The following CENPE variants were observed in gnomAD, a reference collection of about 807,000 sequenced individuals.
The protein encoded by CENPE is centromere-associated protein E.
CENPE carries 145 observed loss-of-function variants against 336.1 expected under a neutral mutation model. The observed-to-expected ratio is 0.43, with a 90% CI of 0.38 to 0.50. The LOEUF (loss-of-function observed/expected upper bound fraction) is 0.50. Ranked by LOEUF, CENPE falls within the 20% of genes least tolerant of loss-of-function variation. The pLI, the probability that CENPE is intolerant of heterozygous loss-of-function variation, is 0.00. For missense variants in CENPE, 2,719 were observed against 3,023.3 expected (o/e 0.90, Z 2.36); for synonymous variants, 1,013 against 984.8 (o/e 1.03, Z -0.54).
At chr4:103,196,683 A>C (rs541263759) in intron 2 of CENPE, 76 bp downstream of exon 2, 1 of 716,746 alleles carries the variant, frequency 1.4e-6, no homozygotes, top group African/African-American at 1.8e-5. Context: ...GACAAATCTA[A>C]TATTATTGAT....
intron 40 of CENPE, among the ~76,000 whole-genome samples, chr4:103,134,193 C>T (rs990038472): frequency 6.6e-6 from 1 of 152,180 alleles, no homozygotes. Flanking sequence ...CCTTTCTCTA[C>T]AAGTCCTCCT....
chr4:103,125,083 C>T (rs974727296), intron 42 of CENPE, among the ~76,000 whole-genome samples: 12 of 152,090 alleles, frequency 7.9e-5, no homozygotes, highest in African/African-American at 2.9e-4. Flanking sequence ...TTTGTTTTTT[C>T]TTGAAATAGC....
intron 25 of CENPE, among the ~76,000 whole-genome samples, chr4:103,152,014 T>A (rs1753608354): frequency 6.6e-6 from 1 of 152,174 alleles, no homozygotes. Flanking sequence ...AGTGAACTTC[T>A]CCAAATATTT....
At chr4:103,162,668 GC>G (rs1347029469) in intron 18 of CENPE, among the ~76,000 whole-genome samples, 2 of 151,506 alleles carry the variant, frequency 1.3e-5, no homozygotes, top group African/African-American at 4.9e-5. Flanking sequence ...AACCTCCCAG[GC>G]TCAAGCAATC....
chr4:103,136,065 C>CA, intron 40 of CENPE, 76 bp downstream of exon 40: 1 of 1,200,698 alleles, frequency 8.3e-7, no homozygotes, highest in Non-Finnish European at 1.2e-6. Context: ...AATATGCCGG[C>CA]ACCTGAAGCA....
In CENPE at chr4:103,180,412, C is replaced by A. The variant is rs1756230406; in HGVS notation, c.1141G>T (p.Glu381Ter). 6.2e-7 allele frequency: 1 copy of A among 1,612,878 alleles called. No individual in the cohort carries two copies. Among genetic ancestry groups the A allele is most frequent in the African/African-American group, 1.3e-5 (1 of 74,992 alleles). ...ACTTTCTGAAGCAAATCTTTTTCTT[C>A]CAAAAGTTGGGCCAATTGGTCTTTT... ...MEKDQLAQLL[E>*]EKDLLQKVQN... The change falls in exon 13 of 49, where the codon GAA (glutamate) becomes TAA (stop). Residue 381 changes from glutamate (E) to a stop codon, truncating the protein, a stop_gained. Coordinates refer to ENST00000265148, the MANE Select transcript of CENPE (RefSeq NM_001813.3). LOFTEE classifies it high-confidence loss of function.
intron 8 of CENPE, among the ~76,000 whole-genome samples, chr4:103,187,260 G>T (rs531154533): frequency 1.3e-5 from 2 of 152,216 alleles, no homozygotes; most frequent in Admixed American, 1.3e-4. Context: ...TTGGAGGTTT[G>T]TTCATTACGT....
intron 35 of CENPE, among the ~76,000 whole-genome samples, chr4:103,141,438 T>C (rs1178337244): frequency 6.6e-6 from 1 of 152,218 alleles, no homozygotes; most frequent in African/African-American, 2.4e-5. Flanking sequence ...CAGTTTTGCC[T>C]GCTTTTGAAC....
intron 40 of CENPE, among the ~76,000 whole-genome samples, chr4:103,134,296 C>T (rs1159056586): frequency 6.6e-6 from 1 of 152,134 alleles, no homozygotes; most frequent in Non-Finnish European, 1.5e-5. Context: ...TCCTCTCCTG[C>T]CAACGCTGAT....
chr4:103,108,639 C>T (rs1232910564), intron 48 of CENPE, among the ~76,000 whole-genome samples, 164 bp downstream of exon 48: 1 of 152,066 alleles, frequency 6.6e-6, no homozygotes, highest in Non-Finnish European at 1.5e-5. Context: ...GTGTGGGGTG[C>T]CTTGGAGAAA....
intron 44 of CENPE, among the ~76,000 whole-genome samples, chr4:103,119,470 C>G (rs1464275909): frequency 2.0e-5 from 3 of 152,180 alleles, no homozygotes; most frequent in Non-Finnish European, 1.5e-5. Flanking sequence ...TCTTTTGCCT[C>G]TCTGCTCATG....
rs746064536 is a variant in CENPE at position 103,144,370 on chromosome 4, T to C, written c.5106A>G (p.Arg1702=). ...RSVEETLKVE[R]DQLKENLRET... is the part of the protein sequence containing the mutation. Reference sequence around the variant, plus strand: ...CTCTAAGGTTTTCCTTGAGCTGGTCTCTCTCTACTTTGAGAGTCTCCTCCA... The same window carrying C: ...CTCTAAGGTTTTCCTTGAGCTGGTCCCTCTCTACTTTGAGAGTCTCCTCCA... Residue 1702 remains arginine, a synonymous_variant, in exon 33 of 49, where the codon AGA becomes AGG. Coordinates refer to ENST00000265148, the MANE Select transcript of CENPE (RefSeq NM_001813.3). 3 of 1,611,970 alleles carry C rather than the reference T, an allele frequency of 1.9e-6. No individual in the cohort carries two copies. Among genetic ancestry groups the C allele is most frequent in the Non-Finnish European group, 1.7e-6 (2 of 1,179,474 alleles).
At chr4:103,150,422 A>C (rs1176380758) in intron 26 of CENPE, among the ~76,000 whole-genome samples, 1 of 152,040 alleles carries the variant, frequency 6.6e-6, no homozygotes, top group Non-Finnish European at 1.5e-5. Flanking sequence ...TTTCTACCAA[A>C]AATACAACAA....
rs538116722 is a variant in CENPE at position 103,184,739 on chromosome 4, T to A, written c.745+1071A>T. 1.4e-4 allele frequency among the ~76,000 whole-genome samples: 21 copies of A among 152,320 alleles called. No homozygotes were observed. In the South Asian group the frequency reaches 4.1e-3, roughly 30 times the overall value. ...TATGGCATTATAATATGTTTTACTA[T>A]CTTATAGTAAGATAGTAAAATCTTA... is the stretch of plus-strand genomic sequence containing the variant. On this transcript the variant is annotated intron_variant, in intron 9 of 48. Transcript: ENST00000265148.
At chr4:103,195,046 T>C (rs998380303) in intron 5 of CENPE, 68 bp downstream of exon 5, 2 of 1,381,144 alleles carry the variant, frequency 1.4e-6, no homozygotes, top group African/African-American at 3.0e-5. Context: ...AAATTAAAGG[T>C]AAACATTCAA....
chr4:103,180,437 T>C lies in CENPE; in HGVS notation c.1116A>G (p.Glu372=). ...CCAAAAGTTGGGCCAATTGGTCTTT[T>C]TCCATTGCCTGAGCCCGCGTCTCTA... ...VSLETRAQAM[E]KDQLAQLLEE... is the part of the protein sequence containing the mutation. Residue 372 remains glutamate (E), a synonymous_variant, in exon 13 of 49, where the codon GAA becomes GAG. Coordinates refer to ENST00000265148, the MANE Select transcript of CENPE (RefSeq NM_001813.3). 2 of 1,612,596 alleles carry C rather than the reference T, an allele frequency of 1.2e-6. No individual in the cohort carries two copies. The highest frequency in any genetic ancestry group is 1.7e-6 in the Non-Finnish European group (2 of 1,179,072).
intron 11 of CENPE, 58 bp from the exon 12 acceptor site, chr4:103,181,514 T>C: frequency 7.2e-7 from 1 of 1,386,670 alleles, no homozygotes; most frequent in Middle Eastern, 2.3e-4. Context: ...TCGAATTTAA[T>C]TAATAATATT....
At chr4:103,157,187 C>T (rs1217951021) in intron 24 of CENPE, among the ~76,000 whole-genome samples, 1 of 151,586 alleles carries the variant, frequency 6.6e-6, no homozygotes, top group African/African-American at 2.4e-5. Context: ...GGTGCTTTCT[C>T]AAAAAATTAA....
In CENPE at chr4:103,136,207, A is replaced by G. The variant is rs765456583; in HGVS notation, c.6456T>C (p.Ile2152=). 3 of 1,613,828 alleles carry G rather than the reference A, an allele frequency of 1.9e-6. No homozygotes were observed. In the Admixed American group the frequency reaches 5.0e-5, roughly 27 times the overall value. ...LSLPYLQTKH[I]EKLFTANQRC... is the part of the protein sequence containing the mutation. ...TCTGGTTTGCAGTAAAAAGTTTTTCAATGTGTTTGGTTTGTAAATAGGGAA... is the reference window on the plus strand; with the variant it reads ...TCTGGTTTGCAGTAAAAAGTTTTTCGATGTGTTTGGTTTGTAAATAGGGAA... The change falls in exon 40 of 49, where the codon ATT becomes ATC. Residue 2152 remains isoleucine, a synonymous_variant. Coordinates refer to ENST00000265148, the MANE Select transcript of CENPE (RefSeq NM_001813.3).
Sources: gnomAD v4.1 joint callset for allele counts (sites outside exome capture counted in the v4.1 genomes callset) on GRCh38, gnomAD v4.1.1 for gene constraint, MANE v1.5 for transcripts, NCBI Gene and HGNC (gene_info 2026-07-23, HGNC 2026-07-21) for gene names.